CCT2: variants seen among roughly 807,000 people sequenced by gnomAD.
The protein encoded by CCT2 is T-complex protein 1 subunit beta.
CCT2 carries 18 observed loss-of-function variants against 61.8 expected under a neutral mutation model. The observed-to-expected ratio is 0.29, with a 90% CI of 0.20 to 0.43. The LOEUF (loss-of-function observed/expected upper bound fraction) is 0.43, where lower values mean the gene tolerates loss of function less well. Among genes scored for constraint, CCT2 ranks in the 20% least tolerant of loss-of-function variants. The pLI, the probability that CCT2 is intolerant of heterozygous loss-of-function variation, is 1.00. For missense variants in CCT2, 556 were observed against 656.9 expected (o/e 0.85, Z 1.68); for synonymous variants, 248 against 215.9 (o/e 1.15, Z -1.30).
In CCT2 at chr12:69,588,253, T is replaced by C. The variant is rs757541355; in HGVS notation, c.437T>C (p.Val146Ala). The C allele has an allele frequency of 3.7e-6, 6 of 1,611,520 alleles. No homozygotes were observed. In the South Asian group the frequency reaches 6.6e-5, roughly 18 times the overall value. The change falls in exon 6 of 16, where the codon GTT (valine) becomes GCT (alanine). Residue 146 changes from valine (V) to alanine (A), a missense_variant. Transcript: ENST00000299300. Reference protein sequence around the residue: ...AAREALLSSAVDHGSDEVKFR... With the variant: ...AAREALLSSAADHGSDEVKFR... Reference sequence around the variant, plus strand: ...AGAGAGGCGCTGTTGAGTTCTGCAGTTGATCATGGGTTTGTATAGCAAAGT... The same window carrying C: ...AGAGAGGCGCTGTTGAGTTCTGCAGCTGATCATGGGTTTGTATAGCAAAGT...
intron 8 of CCT2, 93 bp downstream of exon 8, chr12:69,592,252 G>A: frequency 1.6e-6 from 1 of 621,588 alleles, no homozygotes; most frequent in South Asian, 2.2e-5. Context: ...CAAGGTGGTG[G>A]ATCATCTGAG....
chr12:69,592,900 C>A, intron 8 of CCT2, 76 bp from the exon 9 acceptor site: 1 of 1,446,570 alleles, frequency 6.9e-7, no homozygotes. Context: ...TGCACTCCAG[C>A]CTGGGCAACA....
intron 10 of CCT2, among the ~76,000 whole-genome samples, chr12:69,596,923 A>T (rs558862831): frequency 9.8e-5 from 15 of 152,314 alleles, no homozygotes; most frequent in Non-Finnish European, 1.9e-4. Flanking sequence ...TCTTGGCCTC[A>T]TTTTTATCAT....
intron 4 of CCT2, 29 bp downstream of exon 4, chr12:69,587,645 C>A: frequency 1.5e-6 from 2 of 1,304,510 alleles, no homozygotes; most frequent in Non-Finnish European, 2.2e-6. Flanking sequence ...TTTCACCAAC[C>A]TAATAATACT....
At chr12:69,594,847 A>G (rs776213) in intron 10 of CCT2, among the ~76,000 whole-genome samples, 4,553 of 65,438 alleles carry the variant, frequency 0.07, 383 homozygotes, top group East Asian at 0.51. Context: ...CCCTGTCTTT[A>G]AAAAAAAAAA....
chr12:69,589,270 G>GC lies in CCT2; in HGVS notation c.447-210dup. ...CATTAGACTTTTGCATGCTTGTGTG[G>GC]CCCCCACCCCTCTTTTTTTTTTGGC... On this transcript the variant is annotated intron_variant, in intron 6 of 15. Transcript: ENST00000299300. 5.9e-6 allele frequency: 3 copies of GC among 511,002 alleles called. No individual in the cohort carries two copies. The South Asian group carries it at 6.5e-5, about 11-fold the overall frequency. 31.7% of individuals were successfully genotyped at this position (511,002 alleles called of 1,614,324 possible).
At chr12:69,601,082 A>G (rs1233043113) in intron 15 of CCT2, among the ~76,000 whole-genome samples, 1 of 152,190 alleles carries the variant, frequency 6.6e-6, no homozygotes, top group Non-Finnish European at 1.5e-5. Flanking sequence ...AGTCCATGAC[A>G]TAACTTGGTC....
chr12:69,586,680 AAGT>A, intron 2 of CCT2, 70 bp from the exon 3 acceptor site: 2 of 1,177,282 alleles, frequency 1.7e-6, no homozygotes, highest in Non-Finnish European at 2.4e-6. Context: ...AAAAAAAAAA[AAGT>A]AAATAAAGAT....
rs1882032306 is a variant in CCT2 at position 69,597,734 on chromosome 12, C to G, written c.1199C>G (p.Thr400Ser). ...GATGCTCTTTGTGTTCTTGCGCAAA[C>G]TGTAAAGGACTCTAGAACAGTTTAT... ...LHDALCVLAQ[T>S]VKDSRTVYGG... is the part of the protein sequence containing the mutation. Residue 400 changes from threonine to serine, a missense_variant, in exon 12 of 16, where the codon ACT (threonine) becomes AGT (serine). Around this residue, in one of 3 missense-constraint regions of CCT2, gnomAD observed 225 missense variants for 249.8 expected, o/e 0.90. Transcript: ENST00000299300. 1 of 1,613,438 alleles carries G rather than the reference C, an allele frequency of 6.2e-7. No homozygotes were observed. The highest frequency in any genetic ancestry group is 8.5e-7 in the Non-Finnish European group (1 of 1,179,444).
At chr12:69,588,918 G>A (rs902418632) in intron 6 of CCT2, among the ~76,000 whole-genome samples, 12 of 152,096 alleles carry the variant, frequency 7.9e-5, no homozygotes, top group African/African-American at 2.7e-4. Context: ...TGTTTTTCAC[G>A]TCCTTTTATT....
At chr12:69,592,652 G>A (rs1040020101) in intron 8 of CCT2, 2 of 234,332 alleles carry the variant, frequency 8.5e-6, no homozygotes, top group Non-Finnish European at 1.7e-5. Context: ...GAGGCCTGGC[G>A]TGGTGGTTCA....
chr12:69,590,860 G>T (rs550696273), intron 7 of CCT2, among the ~76,000 whole-genome samples: 72 of 152,134 alleles, frequency 4.7e-4, no homozygotes, highest in African/African-American at 1.5e-3. Flanking sequence ...GGGATTACAG[G>T]CGTGTGCCAC....
At chr12:69,589,860 G>A (rs757920251) in intron 7 of CCT2, 173 bp downstream of exon 7, 51 of 600,372 alleles carry the variant, frequency 8.5e-5, no homozygotes, top group Non-Finnish European at 1.3e-4. Flanking sequence ...TCCTCTTCCC[G>A]CGCTATTCCA....
intron 11 of CCT2, 32 bp from the exon 12 acceptor site, chr12:69,597,606 C>T (rs764329075): frequency 6.2e-7 from 1 of 1,603,094 alleles, no homozygotes; most frequent in East Asian, 2.2e-5. Flanking sequence ...AACTTTTTAT[C>T]CCTAAGTGGT....
Position 69,598,123 on chromosome 12 carries a change from G to GTT in CCT2, c.1335+55_1335+56dup, listed in dbSNP as rs1309135182. 2.2e-6 allele frequency: 3 copies of GTT among 1,338,072 alleles called. No individual in the cohort carries two copies. In the Admixed American group the frequency reaches 5.4e-5, roughly 24 times the overall value. The allele number at this position is 1,338,072 out of a possible 1,614,324, so 82.9% of individuals were successfully genotyped here. A position where few individuals can be genotyped will look rare whatever the true frequency, so the allele number is the denominator to read the frequency against. On this transcript the variant is annotated intron_variant, in intron 13 of 15. Transcript: ENST00000299300. The stretch of plus-strand genomic sequence containing the variant: ...AACTTAAGTTTTGTGGTTATTGATA[G>GTT]TTTTAAAATGAGTAGAAAATGAACT...
At chr12:69,586,456 T>C in intron 2 of CCT2, 112 bp downstream of exon 2, 1 of 776,322 alleles carries the variant, frequency 1.3e-6, no homozygotes, top group East Asian at 2.5e-5. Flanking sequence ...TGAACTGAGG[T>C]CAGGAGTTCG....
chr12:69,589,450 A>C, intron 6 of CCT2, 35 bp from the exon 7 acceptor site: 2 of 1,504,578 alleles, frequency 1.3e-6, no homozygotes, highest in Non-Finnish European at 1.8e-6. Flanking sequence ...AAAGTAAAGT[A>C]GGGTTAATAT....
intron 10 of CCT2, among the ~76,000 whole-genome samples, chr12:69,594,584 C>T (rs191031486): frequency 7.2e-5 from 11 of 152,244 alleles, no homozygotes; most frequent in African/African-American, 1.9e-4. Flanking sequence ...AGGCTGGTTG[C>T]GGTGGCTCAT....
intron 9 of CCT2, among the ~76,000 whole-genome samples, 180 bp downstream of exon 9, chr12:69,593,283 G>C (rs975124686): frequency 6.6e-6 from 1 of 152,066 alleles, no homozygotes; most frequent in Non-Finnish European, 1.5e-5. Flanking sequence ...CAGAATTACG[G>C]GATTGATTTA....
Sources: gnomAD v4.1 joint callset for allele counts (sites outside exome capture counted in the v4.1 genomes callset) on GRCh38, gnomAD v4.1.1 for gene constraint, gnomAD v4.1.1 regional missense constraint, MANE v1.5 for transcripts, NCBI Gene and HGNC (gene_info 2026-07-23, HGNC 2026-07-21) for gene names.